RBFOX1: variants seen among roughly 807,000 people sequenced by gnomAD.
RBFOX1 encodes the protein RNA binding fox-1 homolog 1.
RBFOX1 carries 8 observed loss-of-function variants against 57.7 expected under a neutral mutation model. The ratio of observed to expected loss-of-function variants is 0.14; its 90% CI spans 0.08 to 0.25. RBFOX1 has a LOEUF of 0.25. Ranked by LOEUF, RBFOX1 falls within the 10% of genes least tolerant of loss-of-function variation. The pLI, the probability that RBFOX1 is intolerant of heterozygous loss-of-function variation, is 1.00. For missense variants in RBFOX1, 611 were observed against 548.5 expected (o/e 1.11, Z -1.14); for synonymous variants, 326 against 222.4 (o/e 1.47, Z -4.15).
intron 3 of RBFOX1, among the ~76,000 whole-genome samples, chr16:6,827,048 G>C (rs973582897): frequency 2.0e-5 from 3 of 152,156 alleles, no homozygotes; most frequent in Non-Finnish European, 4.4e-5. Flanking sequence ...TTTGGGGGCA[G>C]GCTTTGGTGG....
At chr16:6,534,993 G>T (rs1287938335) in intron 2 of RBFOX1, among the ~76,000 whole-genome samples, 2 of 152,092 alleles carry the variant, frequency 1.3e-5, no homozygotes, top group Non-Finnish European at 2.9e-5. Flanking sequence ...AAATACAAAT[G>T]GTATTTGAAG....
At chr16:6,144,270 G>A (rs146216794) in intron 1 of RBFOX1, among the ~76,000 whole-genome samples, 1 of 152,096 alleles carries the variant, frequency 6.6e-6, no homozygotes, top group Non-Finnish European at 1.5e-5. Flanking sequence ...AATTTATTAG[G>A]CATATTGTTC....
Position 6,395,472 on chromosome 16 carries a change from A to G in RBFOX1, c.-64+78415A>G, listed in dbSNP as rs989024697. ...TAACTTTCTACCTTGTGACTATTGC[A>G]TGGTTGTTTTGACCTTTTTCTCATT... On this transcript the variant is annotated intron_variant, in intron 2 of 15. Coordinates refer to ENST00000550418, the MANE Select transcript of RBFOX1 (RefSeq NM_018723.4). Among the ~76,000 whole-genome samples, 4 of 152,114 alleles carry G rather than the reference A, an allele frequency of 2.6e-5. No individual in the cohort carries two copies. The South Asian group carries it at 8.3e-4, about 32-fold the overall frequency.
intron 3 of RBFOX1, among the ~76,000 whole-genome samples, chr16:6,906,661 C>T (rs2070046880): frequency 6.6e-6 from 1 of 151,654 alleles, no homozygotes; most frequent in African/African-American, 2.4e-5. Context: ...TCTCTGAACT[C>T]TTGGGACTTA....
At chr16:6,311,017 C>G (rs560188691) in intron 1 of RBFOX1, among the ~76,000 whole-genome samples, 3 of 152,140 alleles carry the variant, frequency 2.0e-5, no homozygotes, top group Admixed American at 2.0e-4. Context: ...ATTGGCTTGC[C>G]TGGATGTGGT....
chr16:6,484,849 T>C (rs2095440942), intron 2 of RBFOX1, among the ~76,000 whole-genome samples: 1 of 152,228 alleles, frequency 6.6e-6, no homozygotes, highest in African/African-American at 2.4e-5. Context: ...TTACTCATTG[T>C]TGACATGGTT....
At chr16:7,189,062 A>G (rs1462780657) in intron 4 of RBFOX1, among the ~76,000 whole-genome samples, 1 of 152,070 alleles carries the variant, frequency 6.6e-6, no homozygotes, top group East Asian at 1.9e-4. Context: ...CTCGAAAAGG[A>G]ATTCTCAATG....
intron 3 of RBFOX1, among the ~76,000 whole-genome samples, chr16:6,799,681 G>C (rs2084903773): frequency 6.6e-6 from 1 of 152,168 alleles, no homozygotes. Context: ...GGTGGGATGA[G>C]CTAGTTTGCT....
intron 3 of RBFOX1, among the ~76,000 whole-genome samples, chr16:5,845,766 T>C (rs1014831900): frequency 5.3e-5 from 8 of 152,162 alleles, no homozygotes; most frequent in East Asian, 1.9e-4. Context: ...GTGACTCTTA[T>C]TGGATGGCAC....
At chr16:7,617,542 C>T (rs1034267780) in intron 10 of RBFOX1, among the ~76,000 whole-genome samples, 4 of 152,146 alleles carry the variant, frequency 2.6e-5, no homozygotes, top group Middle Eastern at 3.4e-3. Flanking sequence ...ACAGCTTTAG[C>T]GGTTATATAC....
intron 2 of RBFOX1, among the ~76,000 whole-genome samples, chr16:6,438,523 A>C (rs1034896563): frequency 6.6e-6 from 1 of 152,194 alleles, no homozygotes; most frequent in East Asian, 1.9e-4. Flanking sequence ...ATTGTTTGGT[A>C]GTGGACTGGG....
At chr16:6,670,143 G>A (rs914781146) in intron 3 of RBFOX1, among the ~76,000 whole-genome samples, 18 of 152,106 alleles carry the variant, frequency 1.2e-4, no homozygotes, top group African/African-American at 4.3e-4. Context: ...AGTACCAAGT[G>A]GGCATGTTGT....
chr16:6,405,873 C>G (rs771326592), intron 2 of RBFOX1, among the ~76,000 whole-genome samples: 1 of 152,144 alleles, frequency 6.6e-6, no homozygotes, highest in African/African-American at 2.4e-5. Flanking sequence ...ACTTCTATTA[C>G]AAAATGCAAT....
At chr16:7,074,880 T>A (rs1381625146) in intron 4 of RBFOX1, among the ~76,000 whole-genome samples, 4 of 152,194 alleles carry the variant, frequency 2.6e-5, no homozygotes, top group Admixed American at 1.3e-4. Context: ...TACAGGTAAC[T>A]AAGTTCTCTA....
chr16:6,427,509 G>A (rs2152998627), intron 2 of RBFOX1, among the ~76,000 whole-genome samples: 1 of 152,138 alleles, frequency 6.6e-6, no homozygotes, highest in East Asian at 1.9e-4. Flanking sequence ...GCAGAAAAAG[G>A]CAAAATAAAG....
chr16:5,913,955 A>G (rs1457823712), intron 4 of RBFOX1, among the ~76,000 whole-genome samples: 2 of 152,238 alleles, frequency 1.3e-5, no homozygotes, highest in Non-Finnish European at 2.9e-5. Flanking sequence ...CGTCATGAGG[A>G]CATCAAGGGT....
chr16:5,652,626 C>G (rs561981430), intron 3 of RBFOX1, among the ~76,000 whole-genome samples: 23 of 152,314 alleles, frequency 1.5e-4, no homozygotes, highest in African/African-American at 5.3e-4. Context: ...CACCCACTCA[C>G]CCACCCGGCT....
chr16:5,321,199 C>A (rs959259855), intron 1 of RBFOX1, among the ~76,000 whole-genome samples: 1 of 152,182 alleles, frequency 6.6e-6, no homozygotes, highest in African/African-American at 2.4e-5. Context: ...CCACTAGATG[C>A]CAGTAATACC....
intron 2 of RBFOX1, among the ~76,000 whole-genome samples, chr16:5,588,865 G>C (rs1156767976): frequency 1.3e-5 from 2 of 152,160 alleles, no homozygotes; most frequent in African/African-American, 2.4e-5. Context: ...TGCAGGTGGA[G>C]GTATTTTACA....
Sources: allele counts gnomAD v4.1 joint callset (sites outside exome capture counted in the v4.1 genomes callset), GRCh38; gene constraint gnomAD v4.1.1; transcripts MANE v1.5; gene names NCBI Gene and HGNC (gene_info 2026-07-23, HGNC 2026-07-21).